The following EEIG1 variants were observed in gnomAD, a reference collection of about 807,000 sequenced individuals.
EEIG1 encodes the protein early estrogen-induced gene 1 protein.
the EEIG1 span, chr9:127,953,704 C>T: frequency 4.4e-6 from 7 of 1,603,950 alleles, no homozygotes; most frequent in South Asian, 1.1e-5. Flanking sequence ...AGGAGGGCAA[C>T]GGGCAGAGCA....
At chr9:127,966,602 G>A in the EEIG1 span, among the ~76,000 whole-genome samples, 1 of 152,242 alleles carries the variant, frequency 6.6e-6, no homozygotes, top group Non-Finnish European at 1.5e-5. Context: ...CCATTCTCCA[G>A]ATGCAAATGA....
chr9:127,953,616 G>A, the EEIG1 span: 1 of 1,613,992 alleles, frequency 6.2e-7, no homozygotes, highest in Non-Finnish European at 8.5e-7. Context: ...TGCACAGGGA[G>A]GGAGACACAA....
chr9:127,958,166 T>A, the EEIG1 span, among the ~76,000 whole-genome samples: 160 of 151,310 alleles, frequency 1.1e-3, no homozygotes, highest in African/African-American at 3.3e-3. Context: ...GTGAGGGGGG[T>A]GGTGCACAGG....
chr9:127,975,800 T>C, the EEIG1 span, among the ~76,000 whole-genome samples: 1 of 151,920 alleles, frequency 6.6e-6, no homozygotes, highest in Non-Finnish European at 1.5e-5. Flanking sequence ...TCTTGGGTGT[T>C]TGAGATTCTT....
chr9:127,963,670 C>T, the EEIG1 span: 1 of 152,366 alleles, frequency 6.6e-6, no homozygotes, highest in African/African-American at 2.4e-5. Flanking sequence ...ACCTGACCAC[C>T]CTCTGACCCA....
the EEIG1 span, chr9:127,941,019 A>C: frequency 2.0e-5 from 3 of 152,148 alleles, no homozygotes; most frequent in African/African-American, 7.2e-5. Flanking sequence ...CAATATATAG[A>C]ATTTGAAGTC....
At chr9:127,970,176 C>T in the EEIG1 span, among the ~76,000 whole-genome samples, 6 of 152,034 alleles carry the variant, frequency 3.9e-5, no homozygotes, top group Admixed American at 6.5e-5. Flanking sequence ...TGCAGTGGCG[C>T]GATCTCCGCA....
At chr9:127,973,293 T>C in the EEIG1 span, among the ~76,000 whole-genome samples, 3 of 151,972 alleles carry the variant, frequency 2.0e-5, no homozygotes, top group Admixed American at 6.6e-5. The surrounding 1 kb of genome is among the most constrained non-coding windows in gnomAD (Gnocchi z 4.2). Flanking sequence ...GCCTCCCAAA[T>C]GCAAGTCAGG....
the EEIG1 span, among the ~76,000 whole-genome samples, chr9:127,962,549 C>T: frequency 0.77 from 117,448 of 152,016 alleles, 46,735 homozygotes; most frequent in Non-Finnish European, 0.87. Context: ...CCACCAGGGC[C>T]GGCTGTGACC....
the EEIG1 span, chr9:127,942,690 C>T: frequency 4.2e-5 from 7 of 167,320 alleles, no homozygotes; most frequent in South Asian, 8.3e-4. Flanking sequence ...GGCAGGATTC[C>T]GGAGGTGGTC....
chr9:127,943,084 G>T, the EEIG1 span: 2 of 993,522 alleles, frequency 2.0e-6, no homozygotes, highest in Non-Finnish European at 3.2e-6. Context: ...AGGAGGCATG[G>T]ATGAGATGTG....
At chr9:127,947,302 GGC>G in the EEIG1 span, among the ~76,000 whole-genome samples, 6 of 151,762 alleles carry the variant, frequency 4.0e-5, no homozygotes, top group African/African-American at 1.2e-4. Context: ...TGGGCATGGT[GGC>G]GCTCGCCTGT....
At chr9:127,956,777 C>T in the EEIG1 span, among the ~76,000 whole-genome samples, 7 of 151,786 alleles carry the variant, frequency 4.6e-5, no homozygotes, top group East Asian at 1.9e-4. Context: ...TGCAGTGGCA[C>T]GATCTCGGCT....
At chr9:127,940,744 G>A in the EEIG1 span, 2 of 151,864 alleles carry the variant, frequency 1.3e-5, no homozygotes, top group Non-Finnish European at 2.9e-5. Flanking sequence ...AAGGAGGGGA[G>A]TCAAAGAAAA....
At chr9:127,947,583 C>T in the EEIG1 span, among the ~76,000 whole-genome samples, 2 of 152,148 alleles carry the variant, frequency 1.3e-5, no homozygotes, top group South Asian at 2.1e-4. Flanking sequence ...GACAGAGAGA[C>T]GCAAACTGGC....
At chr9:127,977,415 A>C in the EEIG1 span, among the ~76,000 whole-genome samples, 1 of 152,232 alleles carries the variant, frequency 6.6e-6, no homozygotes, top group Non-Finnish European at 1.5e-5. Flanking sequence ...ACAGGTAGGG[A>C]GACAGTGGCT....
chr9:127,953,397 T>C, the EEIG1 span: 2 of 623,886 alleles, frequency 3.2e-6, no homozygotes, highest in Non-Finnish European at 5.7e-6. Flanking sequence ...AACAACCATA[T>C]GCTGCCTTTA....
chr9:127,969,284 C>T, the EEIG1 span, among the ~76,000 whole-genome samples: 1 of 152,198 alleles, frequency 6.6e-6, no homozygotes, highest in Non-Finnish European at 1.5e-5. Context: ...GGACGGTTGT[C>T]TTGGCCAAGG....
the EEIG1 span, among the ~76,000 whole-genome samples, chr9:127,974,635 C>T: frequency 5.5e-3 from 839 of 152,304 alleles, 5 homozygotes; most frequent in African/African-American, 0.019. Flanking sequence ...GACACCTGGA[C>T]GGAAATGCCT....
Sources: allele counts gnomAD v4.1 joint callset (sites outside exome capture counted in the v4.1 genomes callset), GRCh38; gene constraint gnomAD v4.1.1; non-coding constraint Gnocchi (gnomAD v3.1); transcripts MANE v1.5; gene names NCBI Gene and HGNC (gene_info 2026-07-23, HGNC 2026-07-21).